PDE9A: variants seen among roughly 807,000 people sequenced by gnomAD.
PDE9A encodes the protein phosphodiesterase 9A.
Under a neutral mutation model 87.4 loss-of-function variants are expected in PDE9A, and 60 were observed. The ratio of observed to expected loss-of-function variants is 0.69; its 90% CI spans 0.56 to 0.85. PDE9A has a LOEUF of 0.85. PDE9A is among the 40% of genes least tolerant of loss of function. The pLI is 0.00. For missense variants in PDE9A, 665 were observed against 779.0 expected (o/e 0.85, Z 1.74); for synonymous variants, 272 against 279.4 (o/e 0.97, Z 0.27).
In PDE9A at chr21:42,760,765, C is replaced by A; in HGVS notation, c.1003-60C>A. The A allele has an allele frequency of 2.2e-6, 2 of 901,364 alleles. No homozygotes were observed. The highest frequency in any genetic ancestry group is 3.7e-6 in the Non-Finnish European group (2 of 539,410). 55.8% of individuals were successfully genotyped at this position (901,364 alleles called of 1,614,324 possible). A position where few individuals can be genotyped will look rare whatever the true frequency, so the allele number is the denominator to read the frequency against. ...CCACTCACCCAATTCCACCCCCCCT[C>A]ACCCCATCCCACCCTCCGAGTGAAG... is the stretch of plus-strand genomic sequence containing the variant. On this transcript the variant is annotated intron_variant, in intron 12 of 19. Transcript: ENST00000291539. This position sits in a 1 kb window ranked among gnomAD's most constrained non-coding sequence, Gnocchi z 5.2.
chr21:42,758,951 A>AG, intron 10 of PDE9A, 48 bp from the exon 11 acceptor site: 1 of 1,413,444 alleles, frequency 7.1e-7, no homozygotes, highest in Admixed American at 1.7e-5. Flanking sequence ...GGGGCTGGGG[A>AG]GCCGGCCACA....
rs549442977 is a variant in PDE9A, at chr21:42,696,349, G to A, written c.219-2619G>A. On this transcript the variant is annotated intron_variant, in intron 3 of 19. Transcript: ENST00000291539. This position sits in a 1 kb window ranked among gnomAD's most constrained non-coding sequence, Gnocchi z 5.1. ...CCCACCTCCTGGAGCCCTTCTCTGC[G>A]CCTGGTCACTACCCGCCCCCCACCT... Among the ~76,000 whole-genome samples the A allele has an allele frequency of 5.3e-5, 8 of 152,144 alleles. No individual in the cohort carries two copies. Among genetic ancestry groups the A allele is most frequent in the African/African-American group, 1.2e-4 (5 of 41,422 alleles).
chr21:42,664,235 CA>C (rs1413428805), intron 1 of PDE9A, among the ~76,000 whole-genome samples: 2 of 152,256 alleles, frequency 1.3e-5, no homozygotes, highest in Admixed American at 6.5e-5. Context: ...GTGTTCGGCT[CA>C]GTGGGCAATG....
chr21:42,706,298 C>A (rs2048829393), intron 4 of PDE9A, among the ~76,000 whole-genome samples: 1 of 152,212 alleles, frequency 6.6e-6, no homozygotes, highest in African/African-American at 2.4e-5. Context: ...ATATTGATTT[C>A]ATGTTTCCTG....
chr21:42,667,810 C>T (rs2058109694), intron 1 of PDE9A, among the ~76,000 whole-genome samples: 1 of 152,100 alleles, frequency 6.6e-6, no homozygotes, highest in Admixed American at 6.5e-5. Context: ...CCCTGCAGTC[C>T]TGACTGGGAC....
At chr21:42,774,422 A>G (rs1326880027) in intron 19 of PDE9A, among the ~76,000 whole-genome samples, 1 of 152,210 alleles carries the variant, frequency 6.6e-6, no homozygotes, top group African/African-American at 2.4e-5. Context: ...TTTAGTGATT[A>G]AACAGTCAAA....
intron 4 of PDE9A, among the ~76,000 whole-genome samples, chr21:42,726,592 C>CTATATATATATATATATATATATATA (rs2051062252): frequency 1.3e-5 from 1 of 74,238 alleles, no homozygotes; most frequent in African/African-American, 7.2e-5. Context: ...CCACGCCTGG[C>CTATATATATATATATATATATATATA]CATATATATA....
chr21:42,663,009 CCACACACACGCACATAT>C (rs1321767251), intron 1 of PDE9A, among the ~76,000 whole-genome samples: 7 of 148,240 alleles, frequency 4.7e-5, no homozygotes, highest in Non-Finnish European at 9.0e-5. Flanking sequence ...CACACGCACA[CCACACACACGCACATAT>C]CACACACATG....
In PDE9A at chr21:42,760,897, T is replaced by G; in HGVS notation, c.1075T>G (p.Tyr359Asp). Residue 359 changes from tyrosine (Y) to aspartate (D), a missense_variant, in exon 13 of 20, where the codon TAC (tyrosine) becomes GAC (aspartate). Transcript: ENST00000291539. This position sits in a 1 kb window ranked among gnomAD's most constrained non-coding sequence, Gnocchi z 5.2. ...CTGCCACGATCTGGACCATCCCGGC[T>G]ACAACAACACGTATGTACAGGATTT... Reference protein sequence around the residue: ...AICHDLDHPGYNNTYQINART... With the variant: ...AICHDLDHPGDNNTYQINART... 6.2e-7 allele frequency: 1 copy of G among 1,606,336 alleles called. No individual in the cohort carries two copies. The highest frequency in any genetic ancestry group is 8.5e-7 in the Non-Finnish European group (1 of 1,172,820).
chr21:42,768,174 A>G lies in PDE9A; in HGVS notation c.1357-14A>G. ...TACCTCCTGTTACCTCAATTCCAAA[A>G]TCTCTTCTTTCAGCTGAAGATGATT... On this transcript the variant is annotated splice_polypyrimidine_tract_variant and intron_variant, in intron 15 of 19. Coordinates refer to ENST00000291539, the MANE Select transcript of PDE9A (RefSeq NM_002606.3). The G allele has an allele frequency of 6.5e-7, 1 of 1,546,188 alleles. No individual in the cohort carries two copies. The highest frequency in any genetic ancestry group is 8.9e-7 in the Non-Finnish European group (1 of 1,118,112).
At position 42,660,699 on chromosome 21, in the gene PDE9A, G is replaced by A. The variant is rs1325758120; in HGVS notation, c.69+6816G>A. Among the ~76,000 whole-genome samples the A allele has an allele frequency of 6.6e-6, 1 of 152,212 alleles. No homozygotes were observed. Among genetic ancestry groups the A allele is most frequent in the East Asian group, 1.9e-4 (1 of 5,184 alleles). ...CAAGGGTCCATCTGCAGGAGTTGGA[G>A]GAGCGCATGCCTGTATTCCTGGCAC... On this transcript the variant is annotated intron_variant, in intron 1 of 19. Transcript: ENST00000291539. This position sits in a 1 kb window ranked among gnomAD's most constrained non-coding sequence, Gnocchi z 4.7.
Position 42,760,893 on chromosome 21 carries a change from C to T in PDE9A, c.1071C>T (p.Pro357=), listed in dbSNP as rs149440524. The T allele has an allele frequency of 6.3e-5, 102 of 1,608,326 alleles. No individual in the cohort carries two copies. Among genetic ancestry groups the T allele is most frequent in the African/African-American group, 5.7e-4 (43 of 74,810 alleles). ...TAAICHDLDH[P]GYNNTYQINA... ...CCATCTGCCACGATCTGGACCATCC[C>T]GGCTACAACAACACGTATGTACAGG... The change falls in exon 13 of 20, where the codon CCC becomes CCT. Residue 357 remains proline, a synonymous_variant. Coordinates refer to ENST00000291539, the MANE Select transcript of PDE9A (RefSeq NM_002606.3). This position sits in a 1 kb window ranked among gnomAD's most constrained non-coding sequence, Gnocchi z 5.2.
At chr21:42,685,497 A>C (rs1430726398) in intron 1 of PDE9A, among the ~76,000 whole-genome samples, 7 of 83,268 alleles carry the variant, frequency 8.4e-5, no homozygotes, top group East Asian at 4.8e-4. Flanking sequence ...ACGGAGTTTC[A>C]CTCTTGTTGC....
intron 1 of PDE9A, among the ~76,000 whole-genome samples, chr21:42,669,156 C>T (rs1308410591): frequency 6.6e-6 from 1 of 152,172 alleles, no homozygotes; most frequent in East Asian, 1.9e-4. Context: ...ACAACAGAAA[C>T]GGATTATCTC....
Position 42,695,332 on chromosome 21 carries a change from G to A in PDE9A, c.219-3636G>A, listed in dbSNP as rs998718811. ...TCCTTTCCAATCCGGGAACATTCTG[G>A]AGATCCTGACATCCAGCTAACATGG... On this transcript the variant is annotated intron_variant, in intron 3 of 19. Coordinates refer to ENST00000291539, the MANE Select transcript of PDE9A (RefSeq NM_002606.3). This position sits in a 1 kb window ranked among gnomAD's most constrained non-coding sequence, Gnocchi z 4.3. Among the ~76,000 whole-genome samples the A allele has an allele frequency of 1.2e-4, 19 of 152,154 alleles. No individual in the cohort carries two copies. Among genetic ancestry groups the A allele is most frequent in the African/African-American group, 4.6e-4 (19 of 41,428 alleles).
Position 42,694,318 on chromosome 21 carries a change from G to A in PDE9A, c.219-4650G>A, listed in dbSNP as rs868668821. ...CACTGTCCCCCCAGCCTCAGGCCCA[G>A]GAACCATGTCTTTGGAGGAGGCTCT... On this transcript the variant is annotated intron_variant, in intron 3 of 19. Transcript: ENST00000291539. This position sits in a 1 kb window ranked among gnomAD's most constrained non-coding sequence, Gnocchi z 5.3. 1.3e-5 allele frequency among the ~76,000 whole-genome samples: 2 copies of A among 152,210 alleles called. No individual in the cohort carries two copies. Among genetic ancestry groups the A allele is most frequent in the African/African-American group, 4.8e-5 (2 of 41,444 alleles).
intron 1 of PDE9A, among the ~76,000 whole-genome samples, chr21:42,670,434 A>C (rs1359967319): frequency 7.3e-5 from 11 of 151,382 alleles, no homozygotes; most frequent in African/African-American, 2.7e-4. Context: ...TTACAGTCAC[A>C]CATACACTTA....
intron 4 of PDE9A, among the ~76,000 whole-genome samples, chr21:42,726,872 A>G (rs2146659327): frequency 6.6e-6 from 1 of 151,282 alleles, no homozygotes; most frequent in Admixed American, 6.6e-5. Flanking sequence ...TTGTATGGAC[A>G]TGGTCATAGG....
chr21:42,773,234 C>G (rs2057182941), intron 19 of PDE9A, among the ~76,000 whole-genome samples: 1 of 139,494 alleles, frequency 7.2e-6, no homozygotes, highest in Non-Finnish European at 1.5e-5. Flanking sequence ...TGCCCTCCAG[C>G]CTGGAGAACA....
Sources: gnomAD v4.1 joint callset for allele counts (sites outside exome capture counted in the v4.1 genomes callset) on GRCh38, gnomAD v4.1.1 for gene constraint, Gnocchi (gnomAD v3.1) non-coding constraint, MANE v1.5 for transcripts, NCBI Gene and HGNC (gene_info 2026-07-23, HGNC 2026-07-21) for gene names.